The following PCDHGB3 variants were observed in gnomAD, a reference collection of about 807,000 sequenced individuals.
PCDHGB3 encodes the protein protocadherin gamma-B3.
A neutral mutation model predicts 59.2 loss-of-function variants in PCDHGB3; 40 were observed. The ratio of observed to expected loss-of-function variants is 0.68; its 90% CI spans 0.52 to 0.88. The LOEUF is 0.88. Ranked by LOEUF, PCDHGB3 falls within the 40% of genes least tolerant of loss-of-function variation. The pLI, the probability that PCDHGB3 is intolerant of heterozygous loss-of-function variation, is 0.00. For synonymous variants in PCDHGB3, 581 were observed against 503.6 expected, an observed-to-expected ratio of 1.15 and a Z score of -2.06; for missense variants, 1,309 against 1,187.9, an observed-to-expected ratio of 1.10 and a Z score of -1.50.
In PCDHGB3 at chr5:141,400,400, C is replaced by T. The variant is rs375490385; in HGVS notation, c.2415+27591C>T. On this transcript the variant is annotated intron_variant, in intron 1 of 3. Coordinates refer to ENST00000576222, the MANE Select transcript of PCDHGB3 (RefSeq NM_018924.5). ...CTATGTGTTGCACATACAGGAAAGA[C>T]GGAGTTTAATTTCCTAAAATGTAGT... 65 of 1,614,000 alleles carry T rather than the reference C, an allele frequency of 4.0e-5. No individual in the cohort carries two copies. Among genetic ancestry groups the T allele is most frequent in the South Asian group, 3.8e-4 (35 of 91,078 alleles).
At chr5:141,390,382 T>C in intron 1 of PCDHGB3, 2 of 1,443,060 alleles carry the variant, frequency 1.4e-6, no homozygotes, top group South Asian at 1.3e-5. Context: ...AATTTTTAGA[T>C]GTCATGGATC....
At chr5:141,382,720 T>A in intron 1 of PCDHGB3, 2 of 480,118 alleles carry the variant, frequency 4.2e-6, no homozygotes, top group South Asian at 6.2e-5. Flanking sequence ...AACCACCGAG[T>A]TTTACAGCAC....
intron 1 of PCDHGB3, chr5:141,417,591 C>T (rs1287721863): frequency 2.1e-6 from 1 of 484,478 alleles, no homozygotes; most frequent in East Asian, 3.4e-5. Context: ...CACAGAGCCT[C>T]TGGGCGCCGC....
intron 1 of PCDHGB3, among the ~76,000 whole-genome samples, chr5:141,405,652 G>GT (rs1479754913): frequency 6.6e-6 from 1 of 152,034 alleles, no homozygotes; most frequent in Non-Finnish European, 1.5e-5. Flanking sequence ...TTTTTTGTGT[G>GT]TTTTTAGTAG....
chr5:141,385,223 A>C (rs766051345), intron 1 of PCDHGB3: 6 of 1,614,184 alleles, frequency 3.7e-6, no homozygotes. Flanking sequence ...CAGCCCAACT[A>C]TGTAGACATG....
rs764363553 is a variant in PCDHGB3 at position 141,432,120 on chromosome 5, A to C, written c.2415+59311A>C. The C allele has an allele frequency of 1.2e-6, 2 of 1,613,978 alleles. No homozygotes were observed. Among genetic ancestry groups the C allele is most frequent in the African/African-American group, 2.7e-5 (2 of 74,894 alleles). ...AACGACAACCCGCCGGTCTTCCCTC[A>C]GGCCTCCTATTCCGCTTATATCCCA... On this transcript the variant is annotated intron_variant, in intron 1 of 3. Transcript: ENST00000576222. The surrounding 1 kb of genome is among the most constrained non-coding windows in gnomAD (Gnocchi z 6.0).
chr5:141,493,962 T>C lies in PCDHGB3; in HGVS notation c.2416-845T>C, dbSNP rs550317675. 6.6e-6 allele frequency among the ~76,000 whole-genome samples: 1 copy of C among 152,320 alleles called. No homozygotes were observed. Among genetic ancestry groups the C allele is most frequent in the African/African-American group, 2.4e-5 (1 of 41,578 alleles). ...AGAAGGGACTCAGGAATGAAGTGGC[T>C]GGCCAGAGCCCCACACCTTCAGCTA... is the stretch of plus-strand genomic sequence containing the variant. On this transcript the variant is annotated intron_variant, in intron 1 of 3. Coordinates refer to ENST00000576222, the MANE Select transcript of PCDHGB3 (RefSeq NM_018924.5). This position sits in a 1 kb window ranked among gnomAD's most constrained non-coding sequence, Gnocchi z 4.3.
chr5:141,378,499 G>A (rs1220046096), intron 1 of PCDHGB3: 1 of 152,084 alleles, frequency 6.6e-6, no homozygotes, highest in Non-Finnish European at 1.5e-5. Context: ...CTCCAGTCTG[G>A]GTGACAGAGC....
chr5:141,505,381 C>T lies in PCDHGB3; in HGVS notation c.2475-12C>T. On this transcript the variant is annotated splice_polypyrimidine_tract_variant and intron_variant, in intron 2 of 3. Transcript: ENST00000576222. Reference sequence around the variant, plus strand: ...CTGGGAGTCTGTGCTCACCATCCTACTCTCTCCCCAGCTCCCAAAATGGCG... The same window carrying T: ...CTGGGAGTCTGTGCTCACCATCCTATTCTCTCCCCAGCTCCCAAAATGGCG... 1 of 1,614,064 alleles carries T rather than the reference C, an allele frequency of 6.2e-7. No homozygotes were observed.
At chr5:141,478,020 A>G (rs1315422039) in intron 1 of PCDHGB3, 2 of 1,613,976 alleles carry the variant, frequency 1.2e-6, no homozygotes, top group Non-Finnish European at 1.7e-6. Flanking sequence ...CGTCCAGTCC[A>G]AGACACAGAT....
At chr5:141,382,872 G>T in intron 1 of PCDHGB3, 1 of 1,522,356 alleles carries the variant, frequency 6.6e-7, no homozygotes, top group Non-Finnish European at 8.8e-7. Flanking sequence ...CCCGAGATCG[G>T]CGCCTAAGCA....
In PCDHGB3 at chr5:141,371,794, C is replaced by T. The variant is rs776687123; in HGVS notation, c.1400C>T (p.Pro467Leu). The part of the protein sequence containing the change: ...YTVHVAENNP[P>L]GASIAHVRAS... ...GTGCATGTAGCTGAGAACAATCCGC[C>T]TGGAGCCTCCATTGCGCATGTCAGA... Residue 467 changes from proline (P) to leucine (L), a missense_variant, in exon 1 of 4, where the codon CCT becomes CTT. By Grantham distance (98) the Pro-to-Leu change is moderately conservative. Coordinates refer to ENST00000576222, the MANE Select transcript of PCDHGB3 (RefSeq NM_018924.5). 1.2e-6 allele frequency: 2 copies of T among 1,613,950 alleles called. No homozygotes were observed. Among genetic ancestry groups the T allele is most frequent in the South Asian group, 2.2e-5 (2 of 91,086 alleles).
chr5:141,485,768 C>G lies in PCDHGB3; in HGVS notation c.2416-9039C>G. ...GGTCCCAGAGCTGCTCCTGGAGAAG[C>G]CTTTGGATCGAGAGAAGCAATCGGA... On this transcript the variant is annotated intron_variant, in intron 1 of 3. Coordinates refer to ENST00000576222, the MANE Select transcript of PCDHGB3 (RefSeq NM_018924.5). The surrounding 1 kb of genome is among the most constrained non-coding windows in gnomAD (Gnocchi z 5.7). 5 of 1,614,192 alleles carry G rather than the reference C, an allele frequency of 3.1e-6. No homozygotes were observed. The South Asian group carries it at 3.3e-5, about 11-fold the overall frequency.
intron 1 of PCDHGB3, among the ~76,000 whole-genome samples, chr5:141,381,934 A>C (rs1777775116): frequency 7.0e-6 from 1 of 143,002 alleles, no homozygotes; most frequent in Non-Finnish European, 1.5e-5. Flanking sequence ...GGTTCAAGCG[A>C]TTTTCCTGCC....
At chr5:141,465,186 G>T (rs2099098546) in intron 1 of PCDHGB3, among the ~76,000 whole-genome samples, 1 of 151,852 alleles carries the variant, frequency 6.6e-6, no homozygotes, top group African/African-American at 2.4e-5. Flanking sequence ...TTAATTAAAA[G>T]ATAAAAATAA....
At chr5:141,394,855 C>A in intron 1 of PCDHGB3, 1 of 1,613,778 alleles carries the variant, frequency 6.2e-7, no homozygotes, top group Non-Finnish European at 8.5e-7. Flanking sequence ...CTGAAGCCTT[C>A]GGTCGACCCG....
chr5:141,484,750 G>GTATA (rs545232987), intron 1 of PCDHGB3, among the ~76,000 whole-genome samples: 1 of 149,818 alleles, frequency 6.7e-6, no homozygotes, highest in Non-Finnish European at 1.5e-5. Context: ...GAAAAAAAAT[G>GTATA]TATATATATA....
rs1342408505 is a variant in PCDHGB3 at position 141,409,977 on chromosome 5, T to C, written c.2415+37168T>C. The C allele has an allele frequency of 1.2e-6, 2 of 1,613,300 alleles. No individual in the cohort carries two copies. Among genetic ancestry groups the C allele is most frequent in the African/African-American group, 2.7e-5 (2 of 75,026 alleles). ...CCCGGCTACCTAGTGACTAAGGTGGTAGCGGTGGACGCCGACTCGGGACAC... is the reference window on the plus strand; with the variant it reads ...CCCGGCTACCTAGTGACTAAGGTGGCAGCGGTGGACGCCGACTCGGGACAC... On this transcript the variant is annotated intron_variant, in intron 1 of 3. Transcript: ENST00000576222.
chr5:141,511,381 G>A lies in PCDHGB3; in HGVS notation c.*208G>A, dbSNP rs545793377. 97 of 1,170,372 alleles carry A rather than the reference G, an allele frequency of 8.3e-5. No homozygotes were observed. In the East Asian group the frequency reaches 9.2e-4, roughly 11 times the overall value. 72.5% of individuals were successfully genotyped at this position (1,170,372 alleles called of 1,614,324 possible). On this transcript the variant is annotated 3_prime_UTR_variant, in exon 4 of 4. Transcript: ENST00000576222. ...GGGTTGAATATGCAAAAGCAGTTCC[G>A]CTGGGAACCCCCATCCAATCAACTG...
Sources: gnomAD v4.1 joint callset for allele counts (sites outside exome capture counted in the v4.1 genomes callset) on GRCh38, gnomAD v4.1.1 for gene constraint, Gnocchi (gnomAD v3.1) non-coding constraint, MANE v1.5 for transcripts, NCBI Gene and HGNC (gene_info 2026-07-23, HGNC 2026-07-21) for gene names.